Variants in FUT8 observed in about 807,000 individuals in gnomAD.
FUT8 encodes fucosyltransferase 8.
In FUT8, 29 loss-of-function variants were observed where a neutral mutation model predicts 71.3. That is an observed-to-expected ratio of 0.41 (90% CI 0.30 to 0.55). FUT8 has a LOEUF of 0.55. FUT8 is among the 20% of genes least tolerant of loss of function. The pLI, the probability that FUT8 is intolerant of heterozygous loss-of-function variation, is 0.34. For synonymous variants in FUT8, 254 were observed against 239.3 expected (o/e 1.06, Z -0.57); for missense variants, 544 against 702.1 (o/e 0.77, Z 2.55).
At position 65,541,315 on chromosome 14, in the gene FUT8, A is replaced by G. The variant is rs74058507; in HGVS notation, c.-227-20022A>G. ...AAGAGGAGATTTATCATGGGATTAT[A>G]GTCATTCAAGATGTCCCACCATATG... is the stretch of plus-strand genomic sequence containing the variant. On this transcript the variant is annotated intron_variant, in intron 2 of 10. Transcript: ENST00000673929. 7.8e-3 allele frequency among the ~76,000 whole-genome samples: 1,189 copies of G among 152,370 alleles called. 9 individuals carry two copies. The highest frequency in any genetic ancestry group is 0.024 in the African/African-American group (991 of 41,590).
intron 3 of FUT8, among the ~76,000 whole-genome samples, chr14:65,564,468 G>T (rs760187620): frequency 1.1e-3 from 162 of 152,118 alleles, no homozygotes; most frequent in Admixed American, 2.6e-3. Context: ...TCGTATCTTG[G>T]AGGGATGCAA....
At chr14:65,520,262 T>G (rs985525444) in intron 2 of FUT8, among the ~76,000 whole-genome samples, 16 of 152,148 alleles carry the variant, frequency 1.1e-4, no homozygotes, top group African/African-American at 3.4e-4. Context: ...AGTTTTTAAG[T>G]TTTTTTGTAT....
the FUT8 span, among the ~76,000 whole-genome samples, chr14:65,386,555 C>A: frequency 2.1e-5 from 3 of 144,004 alleles, no homozygotes; most frequent in Admixed American, 7.0e-5. Context: ...CTTGGGTCTT[C>A]GTTTTTTAAT....
the FUT8 span, among the ~76,000 whole-genome samples, chr14:65,392,611 T>A: frequency 6.6e-6 from 1 of 152,174 alleles, no homozygotes; most frequent in Admixed American, 6.5e-5. Flanking sequence ...GATTCCTGAC[T>A]TCATGAAGTT....
chr14:65,467,879 T>G lies in FUT8; in HGVS notation c.-228+12161T>G, dbSNP rs1489395369. ...TCCCACTGGTTCTCACAAAGTGTGC[T>G]TCTCTGGATGGAGCAGGCTGGTGCT... On this transcript the variant is annotated intron_variant, in intron 2 of 10. Coordinates refer to ENST00000673929, the MANE Select transcript of FUT8 (RefSeq NM_001371533.1). The surrounding 1 kb of genome is among the most constrained non-coding windows in gnomAD (Gnocchi z 4.1). The G allele has an allele frequency of 2.5e-6, 2 of 786,002 alleles. No individual in the cohort carries two copies. The highest frequency in any genetic ancestry group is 4.6e-6 in the Non-Finnish European group (2 of 431,890). The allele number at this position is 786,002 out of a possible 1,614,324, so 48.7% of individuals were successfully genotyped here.
intron 3 of FUT8, among the ~76,000 whole-genome samples, chr14:65,605,720 C>T (rs1346556215): frequency 6.6e-6 from 1 of 151,902 alleles, no homozygotes; most frequent in Non-Finnish European, 1.5e-5. Flanking sequence ...CCCTTAAAAA[C>T]AAATTAATAT....
rs564962136 is a variant in FUT8, at chr14:65,609,124, G to A, written c.204-6854G>A. ...AGCCTGGCCAACATGGCAAAACCCC[G>A]TCTCTACTAAAAATATAAAAATTAG... On this transcript the variant is annotated intron_variant, in intron 3 of 10. Transcript: ENST00000673929. Among the ~76,000 whole-genome samples, 396 of 151,628 alleles carry A rather than the reference G, an allele frequency of 2.6e-3. 8 individuals are homozygous for A. Among genetic ancestry groups the A allele is most frequent in the African/African-American group, 9.0e-3 (372 of 41,418 alleles).
upstream of FUT8, chr14:65,412,134 G>C (rs779605479): frequency 1.0e-4 from 46 of 456,564 alleles, no homozygotes; most frequent in Non-Finnish European, 1.5e-4. Context: ...CCTCGTGGGG[G>C]GGGTCTTTCT....
At chr14:65,691,989 C>G (rs1893629483) in intron 7 of FUT8, among the ~76,000 whole-genome samples, 1 of 151,990 alleles carries the variant, frequency 6.6e-6, no homozygotes, top group South Asian at 2.1e-4. Flanking sequence ...GAAAAGTCTC[C>G]CATGTCTACT....
At chr14:65,405,982 T>C (rs1277405328), upstream of FUT8, among the ~76,000 whole-genome samples, 1 of 152,174 alleles carries the variant, frequency 6.6e-6, no homozygotes. Flanking sequence ...CTCGCTGCCA[T>C]CATAATAAAA....
intron 6 of FUT8, among the ~76,000 whole-genome samples, chr14:65,633,678 T>A (rs1191279969): frequency 6.7e-6 from 1 of 150,008 alleles, no homozygotes; most frequent in Non-Finnish European, 1.5e-5. Flanking sequence ...CACGACCCCG[T>A]CTGGGAGGTG....
chr14:65,409,315 T>C (rs1156694646), upstream of FUT8, among the ~76,000 whole-genome samples: 5 of 152,226 alleles, frequency 3.3e-5, no homozygotes, highest in Admixed American at 3.3e-4. This position sits in a 1 kb window ranked among gnomAD's most constrained non-coding sequence, Gnocchi z 5.4. Context: ...TTGGTAGAGA[T>C]AGAAAAATTT....
At chr14:65,447,735 T>C (rs1432703152) in intron 1 of FUT8, among the ~76,000 whole-genome samples, 5 of 152,102 alleles carry the variant, frequency 3.3e-5, no homozygotes, top group African/African-American at 1.2e-4. Context: ...ATCTCAGAAT[T>C]TTAGATCTGG....
At chr14:65,436,947 A>G (rs1347990890) in intron 1 of FUT8, among the ~76,000 whole-genome samples, 1 of 152,232 alleles carries the variant, frequency 6.6e-6, no homozygotes, top group African/African-American at 2.4e-5. Flanking sequence ...TTCTGAAGAA[A>G]TGCCCTACAG....
rs567078012 is a variant in FUT8 at position 65,527,132 on chromosome 14, C to G, written c.-227-34205C>G. ...CCTGCCTTGCTAGGTTGGGGAAGTT[C>G]TCCTGGATAATATCCTGCAGAGTGT... On this transcript the variant is annotated intron_variant, in intron 2 of 10. Coordinates refer to ENST00000673929, the MANE Select transcript of FUT8 (RefSeq NM_001371533.1). Among the ~76,000 whole-genome samples, 1,129 of 152,296 alleles carry G rather than the reference C, an allele frequency of 7.4e-3. 8 individuals carry two copies. The highest frequency in any genetic ancestry group is 9.3e-3 in the Admixed American group (143 of 15,296).
At chr14:65,387,391 G>A in the FUT8 span, among the ~76,000 whole-genome samples, 1 of 152,084 alleles carries the variant, frequency 6.6e-6, no homozygotes, top group African/African-American at 2.4e-5. Flanking sequence ...GCCAGTAACC[G>A]CTCCATTCAG....
rs138087988 is a variant in FUT8, at chr14:65,633,009, C to T, written c.597+3403C>T. On this transcript the variant is annotated intron_variant, in intron 6 of 10. Coordinates refer to ENST00000673929, the MANE Select transcript of FUT8 (RefSeq NM_001371533.1). The stretch of plus-strand genomic sequence containing the variant: ...CTCCCCTCTCCCCTCTCCCCTCCCC[C>T]CCCCCGTCTCCCCAGGGTCTCCCTC... 7.8e-4 allele frequency among the ~76,000 whole-genome samples: 114 copies of T among 145,960 alleles called. 8 individuals carry two copies. The highest frequency in any genetic ancestry group is 3.3e-4 in the Non-Finnish European group (22 of 66,518).
chr14:65,541,757 CA>C (rs1884692786), intron 2 of FUT8, among the ~76,000 whole-genome samples: 1 of 152,168 alleles, frequency 6.6e-6, no homozygotes, highest in South Asian at 2.1e-4. Context: ...TTAACCCAGT[CA>C]CGTTGACATA....
chr14:65,679,031 G>A (rs1213566468), intron 7 of FUT8, among the ~76,000 whole-genome samples: 2 of 152,144 alleles, frequency 1.3e-5, no homozygotes, highest in Non-Finnish European at 2.9e-5. Flanking sequence ...TCTAGGTTCT[G>A]GCTAGGAATG....
Sources: allele counts gnomAD v4.1 joint callset (sites outside exome capture counted in the v4.1 genomes callset), GRCh38; gene constraint gnomAD v4.1.1; non-coding constraint Gnocchi (gnomAD v3.1); transcripts MANE v1.5; gene names NCBI Gene and HGNC (gene_info 2026-07-23, HGNC 2026-07-21).